The following WWP2 variants were observed in gnomAD, a reference collection of about 807,000 sequenced individuals.
WWP2 encodes the protein WW domain containing E3 ubiquitin protein ligase 2, also known as NEDD4-like E3 ubiquitin-protein ligase WWP2.
In WWP2, 57 loss-of-function variants were observed where a neutral mutation model predicts 121.0. That is an observed-to-expected ratio of 0.47 (90% CI 0.38 to 0.59). The LOEUF is 0.59. Ranked by LOEUF, WWP2 falls within the 20% of genes least tolerant of loss-of-function variation. WWP2 has a pLI of 0.00. For synonymous variants in WWP2, 449 were observed against 441.3 expected, an observed-to-expected ratio of 1.02 and a Z score of -0.22; for missense variants, 962 against 1,158.9, an observed-to-expected ratio of 0.83 and a Z score of 2.47.
chr16:69,928,028 CTGTT>C (rs2058664389), intron 11 of WWP2, among the ~76,000 whole-genome samples: 1 of 151,976 alleles, frequency 6.6e-6, no homozygotes, highest in Non-Finnish European at 1.5e-5. Context: ...CAAATAATGT[CTGTT>C]TGTAAAATTT....
chr16:69,807,619 CAAAAAAAAAAAAAAA>C (rs530408058), intron 4 of WWP2, among the ~76,000 whole-genome samples: 2 of 46,902 alleles, frequency 4.3e-5, no homozygotes, highest in Non-Finnish European at 8.1e-5. Flanking sequence ...ACCCTTTCTC[CAAAAAAAAAAAAAAA>C]AAAAAAAAAA....
chr16:69,848,713 T>C (rs2057138464), intron 6 of WWP2, among the ~76,000 whole-genome samples: 1 of 151,610 alleles, frequency 6.6e-6, no homozygotes, highest in East Asian at 1.9e-4. Context: ...TATGTGTATA[T>C]GTATTTAAGC....
rs769333666 is a variant in WWP2, at chr16:69,939,920, G to A, written c.2593G>A (p.Glu865Lys). ...GCTGCTGTATGCCATTGAGGAGACC[G>A]AGGGCTTTGGACAGGAGTAACCGAG... ...EKLLYAIEETEGFGQE is the reference protein window; with the variant it reads ...EKLLYAIEETKGFGQE Residue 865 changes from glutamate (E) to lysine (K), a missense_variant, in exon 24 of 24, where the codon GAG (glutamate) becomes AAG (lysine). Physicochemically the swap from Glu to Lys is moderately conservative, Grantham distance 56. Coordinates refer to ENST00000359154, the MANE Select transcript of WWP2 (RefSeq NM_001270454.2). 3 of 1,613,798 alleles carry A rather than the reference G, an allele frequency of 1.9e-6. No homozygotes were observed. The highest frequency in any genetic ancestry group is 2.5e-6 in the Non-Finnish European group (3 of 1,179,878).
rs957224996 is a variant in WWP2 at position 69,786,442 on chromosome 16, C to CTTT, written c.-15-530_-15-528dup. On this transcript the variant is annotated intron_variant, in intron 1 of 23. Transcript: ENST00000359154. Reference sequence around the variant, plus strand: ...GCATGAGCCACTGCGCCCAGCCAATCTTTTTTTTTTTTTTTTTTTTTTTTT... The same window carrying CTTT: ...GCATGAGCCACTGCGCCCAGCCAATCTTTTTTTTTTTTTTTTTTTTTTTTTTTT... 4.3e-3 allele frequency among the ~76,000 whole-genome samples: 364 copies of CTTT among 85,400 alleles called. 77 individuals carry two copies. The highest frequency in any genetic ancestry group is 0.021 in the African/African-American group (353 of 16,532). 56.0% of individuals were successfully genotyped at this position (85,400 alleles called of 152,430 possible).
At chr16:69,806,465 C>CTCTATAACATGGGAATTA (rs1239454904) in intron 4 of WWP2, among the ~76,000 whole-genome samples, 1 of 152,100 alleles carries the variant, frequency 6.6e-6, no homozygotes, top group Non-Finnish European at 1.5e-5. Context: ...TGGGAACAGT[C>CTCTATAACATGGGAATTA]TCTATAACAT....
At chr16:69,913,025 T>A (rs1463105915) in intron 9 of WWP2, among the ~76,000 whole-genome samples, 4 of 28,478 alleles carry the variant, frequency 1.4e-4, no homozygotes, top group South Asian at 1.7e-3. Context: ...TTTTTTTTTT[T>A]TTTTTTTTTT....
chr16:69,798,269 G>C, intron 2 of WWP2, among the ~76,000 whole-genome samples: 1 of 152,128 alleles, frequency 6.6e-6, no homozygotes, highest in Non-Finnish European at 1.5e-5. Flanking sequence ...TCCCCAGAGC[G>C]AACAATTGCA....
chr16:69,777,670 ATTAGTT>A (rs1454973059), intron 1 of WWP2, among the ~76,000 whole-genome samples: 1 of 151,988 alleles, frequency 6.6e-6, no homozygotes, highest in East Asian at 1.9e-4. Context: ...TTTCTACCCT[ATTAGTT>A]TGTATTTTAT....
chr16:69,907,593 A>G (rs747897011), intron 8 of WWP2, among the ~76,000 whole-genome samples: 34 of 152,346 alleles, frequency 2.2e-4, no homozygotes, highest in Non-Finnish European at 4.4e-4. Context: ...TATATAGGTT[A>G]CTATATTCTG....
chr16:69,819,302 AT>A (rs2056551716), intron 4 of WWP2, among the ~76,000 whole-genome samples: 1 of 152,214 alleles, frequency 6.6e-6, no homozygotes, highest in Non-Finnish European at 1.5e-5. Context: ...TTGCTACTCC[AT>A]AAAAACCAAA....
chr16:69,900,103 C>CT lies in WWP2; in HGVS notation c.915-8656dup, dbSNP rs2058179878. 3.3e-5 allele frequency among the ~76,000 whole-genome samples: 5 copies of CT among 152,136 alleles called. No homozygotes were observed. The South Asian group carries it at 1.0e-3, about 31-fold the overall frequency. ...GCTGTAATATGACGTAACAGATGCA[C>CT]TTATAGCTAAATTTTTGACACCTAA... is the stretch of plus-strand genomic sequence containing the variant. On this transcript the variant is annotated intron_variant, in intron 8 of 23. Transcript: ENST00000359154.
In WWP2 at chr16:69,823,509, G is replaced by C. The variant is rs2056629845; in HGVS notation, c.341-16617G>C. 2.1e-5 allele frequency among the ~76,000 whole-genome samples: 3 copies of C among 141,166 alleles called. No individual in the cohort carries two copies. The South Asian group carries it at 6.5e-4, about 31-fold the overall frequency. The allele number at this position is 141,166 out of a possible 152,430, so 92.6% of individuals were successfully genotyped here. A position where few individuals can be genotyped will look rare whatever the true frequency, so the allele number is the denominator to read the frequency against. ...TTTTGAGGTGGAGCCTTGCTTTCTT[G>C]CCCAGGCTGGAGTGCAGTGGTGCGG... On this transcript the variant is annotated intron_variant, in intron 4 of 23. Coordinates refer to ENST00000359154, the MANE Select transcript of WWP2 (RefSeq NM_001270454.2).
Position 69,799,210 on chromosome 16 carries a change from C to A in WWP2, c.255C>A (p.Val85=). Reference sequence around the variant, plus strand: ...CACAGAGTCATTTAGATTTAAAGGTCTGGAGCTGCCATACCTTGAGAAATG... The same window carrying A: ...CACAGAGTCATTTAGATTTAAAGGTATGGAGCTGCCATACCTTGAGAAATG... ...VTAQSHLDLK[V]WSCHTLRNEL... Residue 85 remains valine, a synonymous_variant, in exon 4 of 24, where the codon GTC becomes GTA. Coordinates refer to ENST00000359154, the MANE Select transcript of WWP2 (RefSeq NM_001270454.2). The surrounding 1 kb of genome is among the most constrained non-coding windows in gnomAD (Gnocchi z 4.5). The A allele has an allele frequency of 1.2e-6, 2 of 1,614,042 alleles. No individual in the cohort carries two copies. The highest frequency in any genetic ancestry group is 1.7e-6 in the Non-Finnish European group (2 of 1,179,984).
intron 6 of WWP2, among the ~76,000 whole-genome samples, chr16:69,852,872 A>G (rs959627560): frequency 6.6e-6 from 1 of 152,120 alleles, no homozygotes; most frequent in Non-Finnish European, 1.5e-5. Context: ...GGCTACTTTC[A>G]TGCTACGATG....
At chr16:69,880,694 C>G (rs2057811879) in intron 7 of WWP2, among the ~76,000 whole-genome samples, 2 of 152,246 alleles carry the variant, frequency 1.3e-5, no homozygotes, top group African/African-American at 4.8e-5. Context: ...GTTTTGGTTG[C>G]TGTCGTGAAG....
At chr16:69,851,229 G>T (rs1367705763) in intron 6 of WWP2, among the ~76,000 whole-genome samples, 1 of 151,514 alleles carries the variant, frequency 6.6e-6, no homozygotes, top group African/African-American at 2.4e-5. Context: ...TGTTGGCCAG[G>T]CTGGTCTTGA....
chr16:69,863,549 G>T (rs986317386), intron 6 of WWP2, among the ~76,000 whole-genome samples: 4 of 152,328 alleles, frequency 2.6e-5, no homozygotes, highest in African/African-American at 9.6e-5. Context: ...CGAGGCAGGA[G>T]AATTGCTTGA....
Position 69,840,160 on chromosome 16 carries a change from G to A in WWP2, c.375G>A (p.Thr125=), listed in dbSNP as rs375643484. ...ENMQLTLNLQ[T]ENKGSVVSGG... is the part of the protein sequence containing the mutation. ...TGCAGCTGACCCTGAACCTGCAGAC[G>A]GAGAACAAAGGCAGCGTTGTCTCAG... Residue 125 remains threonine (T), a synonymous_variant, in exon 5 of 24, where the codon ACG becomes ACA. Transcript: ENST00000359154. The A allele has an allele frequency of 2.5e-5, 41 of 1,614,112 alleles. No homozygotes were observed. Among genetic ancestry groups the A allele is most frequent in the Admixed American group, 1.5e-4 (9 of 60,004 alleles).
intron 8 of WWP2, among the ~76,000 whole-genome samples, chr16:69,889,509 T>C (rs949225893): frequency 3.3e-5 from 5 of 152,300 alleles, no homozygotes; most frequent in African/African-American, 1.2e-4. Context: ...CTTAGCCTCT[T>C]GATAAGGTGG....
Sources: gnomAD v4.1 joint callset for allele counts (sites outside exome capture counted in the v4.1 genomes callset) on GRCh38, gnomAD v4.1.1 for gene constraint, Gnocchi (gnomAD v3.1) non-coding constraint, MANE v1.5 for transcripts, NCBI Gene and HGNC (gene_info 2026-07-23, HGNC 2026-07-21) for gene names.